Variants in BBS9 observed in about 807,000 individuals in gnomAD.
BBS9 encodes protein PTHB1.
In BBS9, 89 loss-of-function variants were observed where a neutral mutation model predicts 117.7. The observed-to-expected ratio is 0.76, with a 90% CI of 0.64 to 0.90. The LOEUF is 0.90. Ranked by LOEUF, BBS9 falls within the 40% of genes least tolerant of loss-of-function variation. The probability of loss-of-function intolerance (pLI) is 0.00; values close to 1 mark genes in which losing one functional copy is unlikely to be tolerated. For missense variants in BBS9, 982 were observed against 1,042.2 expected, an observed-to-expected ratio of 0.94 and a Z score of 0.80; for synonymous variants, 379 against 370.9, an observed-to-expected ratio of 1.02 and a Z score of -0.25.
At chr7:33,307,298 A>C (rs866365759) in intron 9 of BBS9, among the ~76,000 whole-genome samples, 4 of 152,200 alleles carry the variant, frequency 2.6e-5, no homozygotes, top group African/African-American at 9.7e-5. Flanking sequence ...TGGTAGCAGA[A>C]GTAATTAGTA....
intron 19 of BBS9, among the ~76,000 whole-genome samples, chr7:33,423,238 A>G (rs1004997629): frequency 2.6e-5 from 4 of 152,216 alleles, no homozygotes; most frequent in Non-Finnish European, 5.9e-5. Flanking sequence ...ACCCGATTCC[A>G]TAGCAGAGAA....
At chr7:33,164,421 A>C (rs931520982) in intron 4 of BBS9, among the ~76,000 whole-genome samples, 2 of 152,172 alleles carry the variant, frequency 1.3e-5, no homozygotes, top group African/African-American at 4.8e-5. Flanking sequence ...TCTAATGTTG[A>C]CAGTGGGGTG....
chr7:33,244,818 T>G (rs188726458), intron 5 of BBS9, among the ~76,000 whole-genome samples: 1 of 152,334 alleles, frequency 6.6e-6, no homozygotes, highest in African/African-American at 2.4e-5. Flanking sequence ...CTTGTGTTTC[T>G]GAATCAAAAA....
At chr7:33,291,025 A>G (rs1240802814) in intron 9 of BBS9, among the ~76,000 whole-genome samples, 1 of 152,188 alleles carries the variant, frequency 6.6e-6, no homozygotes, top group Non-Finnish European at 1.5e-5. Flanking sequence ...AAAATAGGGT[A>G]CAAAGCAAAA....
At chr7:33,464,267 T>G (rs1020897456) in intron 19 of BBS9, among the ~76,000 whole-genome samples, 4 of 152,024 alleles carry the variant, frequency 2.6e-5, no homozygotes, top group African/African-American at 9.7e-5. Flanking sequence ...AGGGAACTAT[T>G]TTTTGGTAAC....
At chr7:33,281,005 T>C (rs1801780239) in intron 9 of BBS9, among the ~76,000 whole-genome samples, 1 of 149,232 alleles carries the variant, frequency 6.7e-6, no homozygotes, top group Non-Finnish European at 1.5e-5. Context: ...TTTGAATTCT[T>C]ACATTCCACA....
chr7:33,457,651 A>G (rs1385469223), intron 19 of BBS9, among the ~76,000 whole-genome samples: 1 of 152,162 alleles, frequency 6.6e-6, no homozygotes, highest in Non-Finnish European at 1.5e-5. Flanking sequence ...CTTAGGATGA[A>G]AAGTCTTTTG....
chr7:33,352,814 C>T, intron 14 of BBS9, 45 bp from the exon 15 acceptor site: 1 of 1,601,514 alleles, frequency 6.2e-7, no homozygotes, highest in Non-Finnish European at 8.6e-7. Flanking sequence ...TAATTTGTTG[C>T]CTTCTTTTCC....
At chr7:33,591,869 T>C (rs895920586) in intron 21 of BBS9, among the ~76,000 whole-genome samples, 5 of 142,288 alleles carry the variant, frequency 3.5e-5, no homozygotes, top group Non-Finnish European at 7.7e-5. Flanking sequence ...GTCGTCGCCA[T>C]CATCATCATC....
chr7:33,608,826 A>G (rs750785199), downstream of BBS9, among the ~76,000 whole-genome samples: 12 of 151,918 alleles, frequency 7.9e-5, no homozygotes, highest in Non-Finnish European at 1.3e-4. Flanking sequence ...TACTCTGTTG[A>G]TAGTGTCTTT....
At chr7:33,172,395 A>T (rs942023098) in intron 4 of BBS9, among the ~76,000 whole-genome samples, 4 of 145,668 alleles carry the variant, frequency 2.7e-5, no homozygotes, top group African/African-American at 2.5e-5. Flanking sequence ...AAAAAATAAT[A>T]AAAAAAAAAA....
intron 21 of BBS9, among the ~76,000 whole-genome samples, chr7:33,541,598 A>G (rs534145850): frequency 6.8e-4 from 103 of 152,350 alleles, no homozygotes; most frequent in African/African-American, 2.4e-3. Flanking sequence ...TATCCATACA[A>G]TGGAATATTC....
intron 19 of BBS9, among the ~76,000 whole-genome samples, chr7:33,489,643 C>A (rs955436912): frequency 1.3e-5 from 2 of 152,020 alleles, no homozygotes; most frequent in East Asian, 1.9e-4. Flanking sequence ...TATTTTTGAT[C>A]ATCAAATCAT....
chr7:33,576,665 G>C (rs1858941171), intron 21 of BBS9, among the ~76,000 whole-genome samples: 1 of 152,082 alleles, frequency 6.6e-6, no homozygotes, highest in African/African-American at 2.4e-5. Flanking sequence ...TATACTACAA[G>C]GCTACAGTAA....
intron 5 of BBS9, among the ~76,000 whole-genome samples, chr7:33,211,627 G>T (rs1788033920): frequency 1.3e-5 from 2 of 152,124 alleles, no homozygotes; most frequent in African/African-American, 4.8e-5. Flanking sequence ...TGTAAGAGTA[G>T]TTTACCCATC....
In BBS9 at chr7:33,264,294, C is replaced by T; in HGVS notation, c.622C>T (p.Gln208Ter). 1 of 1,529,706 alleles carries T rather than the reference C, an allele frequency of 6.5e-7. No homozygotes were observed. Among genetic ancestry groups the T allele is most frequent in the Non-Finnish European group, 8.8e-7 (1 of 1,135,748 alleles). The allele number at this position is 1,529,706 out of a possible 1,614,324, so 94.8% of individuals were successfully genotyped here. A position where few individuals can be genotyped will look rare whatever the true frequency, so the allele number is the denominator to read the frequency against. ...SCQQVESYKY[Q>*]VLAFATDADK... ...TTTTAAATTTCTTTCATACAGGTAC[C>T]AGGTACTTGCTTTTGCAACAGATGC... The change falls in exon 7 of 23, where the codon CAG becomes TAG. Residue 208 changes from glutamine to a stop codon, truncating the protein, a stop_gained. Transcript: ENST00000242067. LOFTEE classifies it high-confidence loss of function.
intron 19 of BBS9, among the ~76,000 whole-genome samples, chr7:33,464,517 T>C (rs971768188): frequency 1.3e-5 from 2 of 152,104 alleles, no homozygotes; most frequent in African/African-American, 2.4e-5. Context: ...CTTCAGTTTT[T>C]CACCAGAATT....
chr7:33,280,351 C>T (rs563053030), intron 9 of BBS9, among the ~76,000 whole-genome samples: 8 of 152,256 alleles, frequency 5.3e-5, no homozygotes, highest in Admixed American at 3.9e-4. Flanking sequence ...TTGTAGTCGA[C>T]AGTGTCTGTT....
intron 5 of BBS9, among the ~76,000 whole-genome samples, chr7:33,251,875 T>C (rs1033581966): frequency 2.6e-5 from 4 of 152,186 alleles, no homozygotes; most frequent in African/African-American, 9.7e-5. Flanking sequence ...TTAAGTGTTC[T>C]CCTCTATGTT....
Sources: gnomAD v4.1 joint callset for allele counts (sites outside exome capture counted in the v4.1 genomes callset) on GRCh38, gnomAD v4.1.1 for gene constraint, MANE v1.5 for transcripts, NCBI Gene and HGNC (gene_info 2026-07-23, HGNC 2026-07-21) for gene names.